WDR64: variants seen among roughly 807,000 people sequenced by gnomAD.
WDR64 encodes WD repeat-containing protein 64.
A neutral mutation model predicts 139.3 loss-of-function variants in WDR64; 112 were observed. That is an observed-to-expected ratio of 0.80 (90% CI 0.69 to 0.94). The LOEUF is 0.94. Among genes scored for constraint, WDR64 ranks in the 40% least tolerant of loss-of-function variants. WDR64 has a pLI of 0.00. For synonymous variants in WDR64, 444 were observed against 437.7 expected (o/e 1.01, Z -0.18); for missense variants, 1,206 against 1,293.1 (o/e 0.93, Z 1.03).
intron 8 of WDR64, among the ~76,000 whole-genome samples, chr1:241,705,132 C>A (rs1449923039): frequency 6.6e-6 from 1 of 152,188 alleles, no homozygotes; most frequent in Admixed American, 6.5e-5. Context: ...TCCCCAGTAG[C>A]TAGTTGCTGA....
At chr1:241,761,705 C>A (rs1174570248) in intron 15 of WDR64, among the ~76,000 whole-genome samples, 1 of 152,076 alleles carries the variant, frequency 6.6e-6, no homozygotes, top group Non-Finnish European at 1.5e-5. Context: ...TTCTCTTAAA[C>A]CCTGCCTCTG....
intron 27 of WDR64, among the ~76,000 whole-genome samples, chr1:241,799,444 T>C (rs1286547895): frequency 6.6e-6 from 1 of 151,812 alleles, no homozygotes; most frequent in Non-Finnish European, 1.5e-5. Flanking sequence ...AAAGAATATA[T>C]AAACTGTAAC....
At chr1:241,746,525 T>TAAAAA (rs111783354) in intron 13 of WDR64, among the ~76,000 whole-genome samples, 6 of 147,568 alleles carry the variant, frequency 4.1e-5, no homozygotes, top group African/African-American at 1.5e-4. Context: ...GGTGGTGTTT[T>TAAAAA]AAAAAAAAAA....
chr1:241,705,977 A>G (rs1667938770), intron 8 of WDR64, among the ~76,000 whole-genome samples: 3 of 152,108 alleles, frequency 2.0e-5, no homozygotes, highest in Admixed American at 1.3e-4. Flanking sequence ...CCCTCCCACC[A>G]TAATACTATC....
chr1:241,764,282 C>A (rs1410227228), intron 15 of WDR64, among the ~76,000 whole-genome samples: 2 of 152,050 alleles, frequency 1.3e-5, no homozygotes, highest in East Asian at 3.9e-4. Context: ...TTTGATGCTG[C>A]CTGGATGACA....
chr1:241,653,824 T>C (rs1665466994), intron 1 of WDR64, among the ~76,000 whole-genome samples: 1 of 152,096 alleles, frequency 6.6e-6, no homozygotes, highest in Non-Finnish European at 1.5e-5. Context: ...GGATTACAGG[T>C]GTGAGCCACC....
chr1:241,740,995 T>A (rs1185151578), intron 11 of WDR64, among the ~76,000 whole-genome samples: 2 of 152,242 alleles, frequency 1.3e-5, no homozygotes, highest in Admixed American at 1.3e-4. Context: ...TTTATATTGA[T>A]GTTGCAAGCA....
chr1:241,749,763 T>TC, intron 14 of WDR64, 41 bp downstream of exon 14: 2 of 1,599,218 alleles, frequency 1.3e-6, no homozygotes, highest in Non-Finnish European at 8.5e-7. Flanking sequence ...AGGTGCCCTT[T>TC]TTGGGAAAAT....
chr1:241,761,844 G>C (rs1657914973), intron 15 of WDR64, among the ~76,000 whole-genome samples: 1 of 152,124 alleles, frequency 6.6e-6, no homozygotes, highest in African/African-American at 2.4e-5. Context: ...ATCCATTCAA[G>C]TTTTATCGTG....
At chr1:241,731,330 G>A (rs1669069353) in intron 10 of WDR64, among the ~76,000 whole-genome samples, 1 of 149,584 alleles carries the variant, frequency 6.7e-6, no homozygotes, top group Non-Finnish European at 1.5e-5. Flanking sequence ...GCAACATAGA[G>A]ATACCTCGTC....
In WDR64 at chr1:241,723,437, G is replaced by A. The variant is rs1228567729; in HGVS notation, c.1194+1G>A. 5 of 1,612,390 alleles carry A rather than the reference G, an allele frequency of 3.1e-6. No individual in the cohort carries two copies. The South Asian group carries it at 4.4e-5, about 14-fold the overall frequency. ...TGTCGTCAGCCTTTCCTCTGCAAAG[G>A]TAACAAAAAGAAAATAACAAAACAA... On this transcript the variant is annotated splice_donor_variant, in intron 10 of 27. Transcript: ENST00000437684. LOFTEE classifies it high-confidence loss of function.
At position 241,760,935 on chromosome 1, in the gene WDR64, T is replaced by C. The variant is rs1657845719; in HGVS notation, c.1947+3476T>C. On this transcript the variant is annotated intron_variant, in intron 15 of 27. Coordinates refer to ENST00000437684, the MANE Select transcript of WDR64 (RefSeq NM_001367482.1). ...CGCCCACCACCACGCCCGGCTAGTT[T>C]CCATTTTTGACAGTGTGTCTTTGGG... 5.3e-5 allele frequency among the ~76,000 whole-genome samples: 8 copies of C among 152,074 alleles called. No individual in the cohort carries two copies. In the South Asian group the frequency reaches 1.2e-3, roughly 24 times the overall value.
intron 25 of WDR64, among the ~76,000 whole-genome samples, chr1:241,791,682 A>G (rs1659220104): frequency 6.6e-6 from 1 of 152,148 alleles, no homozygotes; most frequent in African/African-American, 2.4e-5. Flanking sequence ...GGGGAAAAAA[A>G]AAAAGAAAAA....
chr1:241,799,202 CAAAAAAAAA>C (rs4046210), intron 27 of WDR64, among the ~76,000 whole-genome samples: 21 of 33,326 alleles, frequency 6.3e-4, no homozygotes, highest in Non-Finnish European at 9.8e-4. Context: ...TTTGTCTCTC[CAAAAAAAAA>C]AAAAAAAAAA....
At chr1:241,774,642 A>G (rs918878497) in intron 20 of WDR64, among the ~76,000 whole-genome samples, 1 of 152,226 alleles carries the variant, frequency 6.6e-6, no homozygotes, top group Non-Finnish European at 1.5e-5. Context: ...ATTTCTGAAG[A>G]GGCAAATATT....
chr1:241,689,781 A>C (rs1667143650), intron 8 of WDR64, among the ~76,000 whole-genome samples: 1 of 152,234 alleles, frequency 6.6e-6, no homozygotes, highest in Admixed American at 6.5e-5. Flanking sequence ...AAGAATAAAA[A>C]GTTCTAAAGA....
At chr1:241,799,090 G>T (rs1480824045) in intron 27 of WDR64, among the ~76,000 whole-genome samples, 1 of 150,428 alleles carries the variant, frequency 6.6e-6, no homozygotes, top group Non-Finnish European at 1.5e-5. Flanking sequence ...GACAGGCCAG[G>T]CTCAGTGGCT....
rs1424974485 is a variant in WDR64, at chr1:241,780,000, A to AC, written c.2537-3dup. 1.3e-6 allele frequency: 2 copies of AC among 1,587,536 alleles called. No individual in the cohort carries two copies. The highest frequency in any genetic ancestry group is 1.7e-6 in the Non-Finnish European group (2 of 1,171,632). Reference sequence around the variant, plus strand: ...AAAGATTCCAATGTTTAAATTTTATACAGAAGGACATGTTATCCTTTGCAA... The same window carrying AC: ...AAAGATTCCAATGTTTAAATTTTATACCAGAAGGACATGTTATCCTTTGCAA... On this transcript the variant is annotated splice_polypyrimidine_tract_variant and splice_region_variant and intron_variant, in intron 21 of 27. Transcript: ENST00000437684.
At chr1:241,685,200 A>AT (rs376245438) in intron 7 of WDR64, among the ~76,000 whole-genome samples, 3,639 of 150,692 alleles carry the variant, frequency 0.024, 81 homozygotes, top group South Asian at 0.081. Flanking sequence ...TATAAAATAC[A>AT]TTTTTTGTCT....
Sources: gnomAD v4.1 joint callset for allele counts (sites outside exome capture counted in the v4.1 genomes callset) on GRCh38, gnomAD v4.1.1 for gene constraint, MANE v1.5 for transcripts, NCBI Gene and HGNC (gene_info 2026-07-23, HGNC 2026-07-21) for gene names.